Variants in PCDHGA8 observed in about 807,000 individuals in gnomAD.
PCDHGA8 encodes protocadherin gamma subfamily A, 8.
In PCDHGA8, 45 loss-of-function variants were observed where a neutral mutation model predicts 59.2. The ratio of observed to expected loss-of-function variants is 0.76; its 90% CI spans 0.60 to 0.98. The LOEUF is 0.98. Ranked by LOEUF, PCDHGA8 falls within the 50% of genes least tolerant of loss-of-function variation. The probability of loss-of-function intolerance (pLI) is 0.00; values close to 1 mark genes in which losing one functional copy is unlikely to be tolerated. For synonymous variants in PCDHGA8, 531 were observed against 519.0 expected (o/e 1.02, Z -0.32); for missense variants, 1,257 against 1,196.2 (o/e 1.05, Z -0.75).
chr5:141,415,419 C>T (rs2095868053), intron 1 of PCDHGA8: 1 of 1,614,196 alleles, frequency 6.2e-7, no homozygotes, highest in Non-Finnish European at 8.5e-7. Context: ...TGGGCGTGGA[C>T]GGGGTTCGGG....
rs2099811015 is a variant in PCDHGA8 at position 141,501,774 on chromosome 5, G to GTC, written c.2484-3612_2484-3611dup. ...CTCTCAGTAAATGGTTAAAAAAGAG[G>GTC]TCTCTCTCCCTCTGCTCATCTCTTA... is the stretch of plus-strand genomic sequence containing the variant. On this transcript the variant is annotated intron_variant, in intron 2 of 3. Coordinates refer to ENST00000398604, the MANE Select transcript of PCDHGA8 (RefSeq NM_032088.2). Among the ~76,000 whole-genome samples, 3 of 152,062 alleles carry GTC rather than the reference G, an allele frequency of 2.0e-5. No homozygotes were observed. In the South Asian group the frequency reaches 6.2e-4, roughly 32 times the overall value.
At chr5:141,398,061 A>G (rs541058758) in intron 1 of PCDHGA8, 863 of 1,544,254 alleles carry the variant, frequency 5.6e-4, no homozygotes, top group Middle Eastern at 1.5e-3. Flanking sequence ...CCAAAAATCT[A>G]CAATACAGAG....
chr5:141,421,905 A>C, intron 1 of PCDHGA8: 1 of 1,613,752 alleles, frequency 6.2e-7, no homozygotes, highest in Non-Finnish European at 8.5e-7. Context: ...GAAAGGGCGC[A>C]GTTCCCATTC....
At chr5:141,494,364 G>A (rs1461560857) in intron 1 of PCDHGA8, among the ~76,000 whole-genome samples, 1 of 152,202 alleles carries the variant, frequency 6.6e-6, no homozygotes, top group African/African-American at 2.4e-5. Context: ...TGCAGAGGAT[G>A]CTTTGTTCCC....
intron 1 of PCDHGA8, 148 bp from the exon 2 acceptor site, chr5:141,494,659 T>C (rs749872848): frequency 2.3e-4 from 343 of 1,488,556 alleles, no homozygotes; most frequent in Non-Finnish European, 2.9e-4. Flanking sequence ...ATTTTGTCTT[T>C]GGAGATGAGT....
Position 141,487,781 on chromosome 5 carries a change from G to T in PCDHGA8, c.2425-7026G>T. ...AGACGCTGTGCTTTGTAACTGTTTC[G>T]TGAATTAACCAGAGTTGTCACAGTT... On this transcript the variant is annotated intron_variant, in intron 1 of 3. Transcript: ENST00000398604. This position sits in a 1 kb window ranked among gnomAD's most constrained non-coding sequence, Gnocchi z 5.0. 2 of 1,526,850 alleles carry T rather than the reference G, an allele frequency of 1.3e-6. No homozygotes were observed. The highest frequency in any genetic ancestry group is 8.8e-7 in the Non-Finnish European group (1 of 1,130,880). The allele number at this position is 1,526,850 out of a possible 1,614,324, so 94.6% of individuals were successfully genotyped here. A position where few individuals can be genotyped will look rare whatever the true frequency, so the allele number is the denominator to read the frequency against.
chr5:141,427,109 C>A lies in PCDHGA8; in HGVS notation c.2424+31872C>A, dbSNP rs141512367. On this transcript the variant is annotated intron_variant, in intron 1 of 3. Coordinates refer to ENST00000398604, the MANE Select transcript of PCDHGA8 (RefSeq NM_032088.2). ...AGGATGAGGGTGTCAATGCGGAGAT[C>A]ACCTACTCTTTCAAATCCCTACGAG... 1,737 of 457,784 alleles carry A rather than the reference C, an allele frequency of 3.8e-3. 17 individuals carry two copies. Among genetic ancestry groups the A allele is most frequent in the Admixed American group, 0.01 (426 of 42,600 alleles). 28.4% of individuals were successfully genotyped at this position (457,784 alleles called of 1,614,324 possible). A position where few individuals can be genotyped will look rare whatever the true frequency, so the allele number is the denominator to read the frequency against.
At chr5:141,478,016 G>A (rs1204231648) in intron 1 of PCDHGA8, 1 of 1,614,108 alleles carries the variant, frequency 6.2e-7, no homozygotes, top group Non-Finnish European at 8.5e-7. Context: ...TGCCCGTCCA[G>A]TCCAAGACAC....
In PCDHGA8 at chr5:141,474,958, C is replaced by T. The variant is rs114469479; in HGVS notation, c.2425-19849C>T. On this transcript the variant is annotated intron_variant, in intron 1 of 3. Transcript: ENST00000398604. ...CACAGTGGACTCTTTTATTCACTAT[C>T]CTAATCATTATAATTTTGTTTGGTG... is the stretch of plus-strand genomic sequence containing the variant. Among the ~76,000 whole-genome samples the T allele has an allele frequency of 4.4e-3, 666 of 152,340 alleles. 6 individuals are homozygous for T. The highest frequency in any genetic ancestry group is 0.015 in the African/African-American group (634 of 41,572).
At chr5:141,420,369 T>C in intron 1 of PCDHGA8, 2 of 1,349,364 alleles carry the variant, frequency 1.5e-6, no homozygotes, top group Non-Finnish European at 2.0e-6. Flanking sequence ...AGATAACTTC[T>C]TCATAGAGTT....
Position 141,501,290 on chromosome 5 carries a change from TACACACACACACAC to T in PCDHGA8, c.2484-4072_2484-4059del, listed in dbSNP as rs55762287. ...GTCCAGTCTATGGGATATTCCCTTA[TACACACACACACAC>T]ACACACACACACACACACACACACA... On this transcript the variant is annotated intron_variant, in intron 2 of 3. Transcript: ENST00000398604. Among the ~76,000 whole-genome samples, 10 of 136,248 alleles carry T rather than the reference TACACACACACACAC, an allele frequency of 7.3e-5. No homozygotes were observed. In the South Asian group the frequency reaches 1.2e-3, roughly 16 times the overall value. 89.4% of individuals were successfully genotyped at this position (136,248 alleles called of 152,430 possible).
chr5:141,413,024 C>G, intron 1 of PCDHGA8: 1 of 736,254 alleles, frequency 1.4e-6, no homozygotes, highest in Non-Finnish European at 2.1e-6. Context: ...ACAAGCCCCA[C>G]AAACCGGCTG....
intron 1 of PCDHGA8, among the ~76,000 whole-genome samples, chr5:141,472,030 G>A (rs2099269943): frequency 6.6e-6 from 1 of 152,030 alleles, no homozygotes; most frequent in African/African-American, 2.4e-5. Flanking sequence ...TATGTAGAAA[G>A]CTGTGAAAAG....
chr5:141,509,086 A>T lies in PCDHGA8; in HGVS notation c.2573-1861A>T, dbSNP rs147084289. On this transcript the variant is annotated intron_variant, in intron 3 of 3. Coordinates refer to ENST00000398604, the MANE Select transcript of PCDHGA8 (RefSeq NM_032088.2). ...CAGCTCCGGGGATTTGCGACATGAAATGGGGGCTGTAGAAACCTGAGCGCT... is the reference window on the plus strand; with the variant it reads ...CAGCTCCGGGGATTTGCGACATGAATTGGGGGCTGTAGAAACCTGAGCGCT... 8.3e-3 allele frequency among the ~76,000 whole-genome samples: 1,261 copies of T among 152,228 alleles called. 7 individuals are homozygous for T. Among genetic ancestry groups the T allele is most frequent in the Middle Eastern group, 0.037 (11 of 294 alleles).
chr5:141,446,532 A>G (rs1443843436), intron 1 of PCDHGA8, among the ~76,000 whole-genome samples: 1 of 151,788 alleles, frequency 6.6e-6, no homozygotes, highest in Non-Finnish European at 1.5e-5. Flanking sequence ...GCTGGAGTGC[A>G]GTGGCCCTAT....
chr5:141,404,225 A>G, intron 1 of PCDHGA8: 6 of 1,613,828 alleles, frequency 3.7e-6, no homozygotes, highest in Non-Finnish European at 5.1e-6. Context: ...GGTGACTGCA[A>G]CAGACAGAGG....
intron 1 of PCDHGA8, among the ~76,000 whole-genome samples, chr5:141,435,732 C>T (rs2097777160): frequency 6.6e-6 from 1 of 152,150 alleles, no homozygotes; most frequent in South Asian, 2.1e-4. Flanking sequence ...AAGTGTATTA[C>T]TCTTTGAAAA....
chr5:141,415,177 G>C, intron 1 of PCDHGA8: 3 of 1,613,926 alleles, frequency 1.9e-6, no homozygotes, highest in Non-Finnish European at 2.5e-6. Context: ...CACCGTGGCC[G>C]TGGCCGACAG....
At chr5:141,427,940 C>T (rs1391166364) in intron 1 of PCDHGA8, 1 of 1,585,904 alleles carries the variant, frequency 6.3e-7, no homozygotes. Context: ...TGGTGGGCGA[C>T]CTCAATGACA....
Sources: allele counts gnomAD v4.1 joint callset (sites outside exome capture counted in the v4.1 genomes callset), GRCh38; gene constraint gnomAD v4.1.1; non-coding constraint Gnocchi (gnomAD v3.1); transcripts MANE v1.5; gene names NCBI Gene and HGNC (gene_info 2026-07-23, HGNC 2026-07-21).